ROS1: variants seen among roughly 807,000 people sequenced by gnomAD.
The protein encoded by ROS1 is proto-oncogene tyrosine-protein kinase ROS.
Under a neutral mutation model 273.5 loss-of-function variants are expected in ROS1, and 263 were observed. That is an observed-to-expected ratio of 0.96 (90% CI 0.87 to 1.06). The LOEUF is 1.06. Among genes scored for constraint, ROS1 ranks in the 50% least tolerant of loss-of-function variants. The pLI is 0.00. For missense variants in ROS1, 2,833 were observed against 2,751.1 expected (o/e 1.03, Z -0.67); for synonymous variants, 1,008 against 954.1 (o/e 1.06, Z -1.04).
intron 18 of ROS1, 120 bp from the exon 19 acceptor site, chr6:117,366,410 A>G (rs1406282051): frequency 3.0e-6 from 2 of 656,920 alleles, no homozygotes; most frequent in Non-Finnish European, 5.3e-6. Flanking sequence ...ACATTAAAAT[A>G]AAGAAAATAC....
At chr6:117,300,861 C>T (rs1051139680) in intron 43 of ROS1, 113 bp downstream of exon 43, 6 of 649,456 alleles carry the variant, frequency 9.2e-6, no homozygotes, top group Non-Finnish European at 1.4e-5. Flanking sequence ...ACAAAGGTGC[C>T]AGTATATTAT....
intron 33 of ROS1, among the ~76,000 whole-genome samples, chr6:117,327,338 C>G (rs983804491): frequency 1.3e-5 from 2 of 152,116 alleles, no homozygotes; most frequent in African/African-American, 4.8e-5. Context: ...CTGAGCAAAG[C>G]ATTAGGACAG....
At chr6:117,384,981 C>T (rs1192978776) in intron 16 of ROS1, among the ~76,000 whole-genome samples, 1 of 152,188 alleles carries the variant, frequency 6.6e-6, no homozygotes, top group African/African-American at 2.4e-5. Flanking sequence ...CCACTTCTTC[C>T]CCTTGCCTAT....
intron 43 of ROS1, among the ~76,000 whole-genome samples, chr6:117,300,461 T>G (rs1774630850): frequency 6.6e-6 from 1 of 151,886 alleles, no homozygotes; most frequent in Admixed American, 6.6e-5. Context: ...AAATACACAT[T>G]TTGCAGGAAA....
At chr6:117,365,276 A>G in intron 20 of ROS1, 72 bp from the exon 21 acceptor site, 1 of 1,441,108 alleles carries the variant, frequency 6.9e-7, no homozygotes, top group Non-Finnish European at 9.3e-7. Flanking sequence ...TATTATCTAA[A>G]ATCTCCAAAC....
chr6:117,394,607 C>T lies in ROS1; in HGVS notation c.1006+9G>A, dbSNP rs2128713426. On this transcript the variant is annotated intron_variant, in intron 10 of 43. Coordinates refer to ENST00000368507, the MANE Select transcript of ROS1 (RefSeq NM_001378902.1). ...ACACTAAGGAATCATTTATCCTTAT[C>T]ATACTGACCTGTAATATTATGGTAT... 1.9e-6 allele frequency: 3 copies of T among 1,576,348 alleles called. No individual in the cohort carries two copies. Among genetic ancestry groups the T allele is most frequent in the East Asian group, 2.2e-5 (1 of 44,488 alleles).
intron 1 of ROS1, among the ~76,000 whole-genome samples, chr6:117,423,419 C>T: frequency 6.6e-6 from 1 of 152,190 alleles, no homozygotes; most frequent in Non-Finnish European, 1.5e-5. Context: ...GCAAAATACA[C>T]TTCCACAAAT....
chr6:117,401,301 T>C (rs1030031370), intron 7 of ROS1, among the ~76,000 whole-genome samples: 1 of 152,116 alleles, frequency 6.6e-6, no homozygotes, highest in South Asian at 2.1e-4. Flanking sequence ...CTGAAAGTTT[T>C]AAAATTTGAA....
intron 43 of ROS1, among the ~76,000 whole-genome samples, chr6:117,296,391 A>G (rs1380376800): frequency 8.0e-6 from 1 of 125,142 alleles, no homozygotes; most frequent in African/African-American, 2.7e-5. Context: ...ACAGAGTGAG[A>G]CTGTCTCAAA....
At chr6:117,423,035 A>AG in intron 1 of ROS1, among the ~76,000 whole-genome samples, 1 of 152,158 alleles carries the variant, frequency 6.6e-6, no homozygotes, top group South Asian at 2.1e-4. Context: ...CAAAAAAAAA[A>AG]GGGGGTTTGT....
Position 117,341,561 on chromosome 6 carries a change from A to G in ROS1, c.4723T>C (p.Ser1575Pro). Residue 1575 changes from serine (S) to proline (P), a missense_variant, in exon 30 of 44, where the codon TCT becomes CCT. Coordinates refer to ENST00000368507, the MANE Select transcript of ROS1 (RefSeq NM_001378902.1). ...TCTTTAGGTCCATTTGGCTTGTGAG[A>G]TTCTCTCCAAGATATAATGAGGCTG... ...DTSLIISWRE[S>P]HKPNGPKESV... is the part of the protein sequence containing the mutation. The G allele has an allele frequency of 3.1e-6, 5 of 1,613,768 alleles. No homozygotes were observed. The highest frequency in any genetic ancestry group is 4.2e-6 in the Non-Finnish European group (5 of 1,179,788).
At position 117,356,860 on chromosome 6, in the gene ROS1, T is replaced by C; in HGVS notation, c.3895A>G (p.Ile1299Val). The C allele has an allele frequency of 1.2e-6, 2 of 1,614,142 alleles. No homozygotes were observed. Among genetic ancestry groups the C allele is most frequent in the Non-Finnish European group, 1.7e-6 (2 of 1,179,996 alleles). The stretch of plus-strand genomic sequence containing the variant: ...ATTCGGTGCAAGGTGTGACTGATAA[T>C]ACTGTAGTAGAACATCTGGTAGCCA... ...NFGYQMFYYS[I>V]ISHTLHRILQ... Residue 1299 changes from isoleucine (I) to valine (V), a missense_variant, in exon 26 of 44, where the codon ATT becomes GTT. Physicochemically the swap from Ile to Val is conservative, Grantham distance 29. Transcript: ENST00000368507.
intron 21 of ROS1, 114 bp downstream of exon 21, chr6:117,364,946 T>A (rs921229743): frequency 1.0e-6 from 1 of 1,001,566 alleles, no homozygotes; most frequent in African/African-American, 1.6e-5. Flanking sequence ...GGGTATTGAA[T>A]CTAAACACAT....
chr6:117,425,390 G>T, intron 1 of ROS1, 144 bp downstream of exon 1: 1 of 721,210 alleles, frequency 1.4e-6, no homozygotes, highest in Non-Finnish European at 2.1e-6. Context: ...ACTTATTTAA[G>T]AAAAAATAAT....
intron 42 of ROS1, among the ~76,000 whole-genome samples, chr6:117,302,568 GTAGGAT>G (rs1774814455): frequency 6.6e-6 from 1 of 152,190 alleles, no homozygotes; most frequent in Admixed American, 6.5e-5. Context: ...ATCTCTAGCT[GTAGGAT>G]TCTTAGATGC....
chr6:117,394,779 AC>A (rs752065884), intron 9 of ROS1, 41 bp from the exon 10 acceptor site: 1 of 1,547,272 alleles, frequency 6.5e-7, no homozygotes, highest in African/African-American at 1.4e-5. Flanking sequence ...TAGACCAACC[AC>A]AGGTACACTA....
chr6:117,319,920 G>C lies in ROS1; in HGVS notation c.5870C>G (p.Thr1957Arg), dbSNP rs1455810428. 3.7e-6 allele frequency: 6 copies of C among 1,613,270 alleles called. No homozygotes were observed. The highest frequency in any genetic ancestry group is 1.3e-5 in the African/African-American group (1 of 74,854). The change falls in exon 37 of 44, where the codon ACA becomes AGA. Residue 1957 changes from threonine (T) to arginine (R), a missense_variant. By Grantham distance (71) the Thr-to-Arg change is moderately conservative. Transcript: ENST00000368507. ...SGAFGEVYEG[T>R]AVDILGVGSG... is the part of the protein sequence containing the mutation. ...TCCAACTCCTAAGATGTCCACTGCT[G>C]TTCCTTCATACACTTCTCCAAAGGC...
chr6:117,358,422 G>T (rs539861983), intron 24 of ROS1, among the ~76,000 whole-genome samples: 1 of 151,952 alleles, frequency 6.6e-6, no homozygotes, highest in Admixed American at 6.5e-5. Flanking sequence ...TGACAAATAT[G>T]GTCCTCCTTG....
At chr6:117,375,797 T>G (rs1398386781) in intron 18 of ROS1, among the ~76,000 whole-genome samples, 3 of 152,014 alleles carry the variant, frequency 2.0e-5, no homozygotes. Flanking sequence ...AGTATATAGA[T>G]AATCAATATA....
Sources: gnomAD v4.1 joint callset for allele counts (sites outside exome capture counted in the v4.1 genomes callset) on GRCh38, gnomAD v4.1.1 for gene constraint, MANE v1.5 for transcripts, NCBI Gene and HGNC (gene_info 2026-07-23, HGNC 2026-07-21) for gene names.